The following CCDC27 variants were observed in gnomAD, a reference collection of about 807,000 sequenced individuals.
The protein encoded by CCDC27 is coiled-coil domain containing 27, also known as coiled-coil domain-containing protein 27.
A neutral mutation model predicts 80.3 loss-of-function variants in CCDC27; 80 were observed. The ratio of observed to expected loss-of-function variants is 1.00; its 90% CI spans 0.83 to 1.20. The LOEUF (loss-of-function observed/expected upper bound fraction) is 1.20, where lower values mean the gene tolerates loss of function less well. Among genes scored for constraint, CCDC27 ranks in the 50% most tolerant of loss-of-function variants. The pLI is 0.00. For synonymous variants in CCDC27, 342 were observed against 334.3 expected, an observed-to-expected ratio of 1.02 and a Z score of -0.25; for missense variants, 815 against 809.4, an observed-to-expected ratio of 1.01 and a Z score of -0.08.
At chr1:3,757,879 G>A (rs1459065807) in intron 4 of CCDC27, among the ~76,000 whole-genome samples, 2 of 147,770 alleles carry the variant, frequency 1.4e-5, no homozygotes, top group East Asian at 2.1e-4. Flanking sequence ...CTGAGATCGC[G>A]CCACTGCACT....
At chr1:3,754,853 G>T (rs888005919) in intron 2 of CCDC27, among the ~76,000 whole-genome samples, 3 of 137,402 alleles carry the variant, frequency 2.2e-5, no homozygotes, top group Admixed American at 7.2e-5. Context: ...GGGGTGGGGG[G>T]GTTGGGGAGG....
intron 2 of CCDC27, 47 bp downstream of exon 2, chr1:3,754,288 C>A: frequency 6.6e-7 from 1 of 1,524,256 alleles, no homozygotes; most frequent in South Asian, 1.3e-5. Flanking sequence ...CTGTCAGAGT[C>A]GAGGGGCCGG....
Position 3,761,798 on chromosome 1 carries a change from T to G in CCDC27, c.861+368T>G, listed in dbSNP as rs1452074248. On this transcript the variant is annotated intron_variant, in intron 5 of 11. Coordinates refer to ENST00000294600, the MANE Select transcript of CCDC27 (RefSeq NM_152492.3). This position sits in a 1 kb window ranked among gnomAD's most constrained non-coding sequence, Gnocchi z 5.0. ...GGGCTCAGGGTCCTTATCCATAAAA[T>G]GAGGGCTGAGCTCACCTGTGAAATC... Among the ~76,000 whole-genome samples the G allele has an allele frequency of 6.6e-6, 1 of 152,154 alleles. No homozygotes were observed. The highest frequency in any genetic ancestry group is 1.5e-5 in the Non-Finnish European group (1 of 68,014).
intron 4 of CCDC27, among the ~76,000 whole-genome samples, chr1:3,758,001 C>T (rs376208222): frequency 2.6e-5 from 4 of 151,904 alleles, no homozygotes; most frequent in Non-Finnish European, 5.9e-5. Flanking sequence ...GTGATCCACT[C>T]GCCTTGGCCT....
chr1:3,769,837 A>C lies in CCDC27; in HGVS notation c.1798A>C (p.Lys600Gln), dbSNP rs1643315882. The change falls in exon 11 of 12, where the codon AAG (lysine) becomes CAG (glutamine). Residue 600 changes from lysine (K) to glutamine (Q), a missense_variant. Lys to Gln is a moderately conservative substitution (Grantham distance 53). Coordinates refer to ENST00000294600, the MANE Select transcript of CCDC27 (RefSeq NM_152492.3). This position sits in a 1 kb window ranked among gnomAD's most constrained non-coding sequence, Gnocchi z 4.6. ...GGCCACCTTTAGCATCTCCGGGACC[A>C]AGTCCTTGGCCAACGAGATCTCTGA... ...IQATFSISGT[K>Q]SLANEISDND... is the part of the protein sequence containing the mutation. 2 of 1,614,046 alleles carry C rather than the reference A, an allele frequency of 1.2e-6. No individual in the cohort carries two copies. The highest frequency in any genetic ancestry group is 2.2e-5 in the South Asian group (2 of 91,074).
intron 1 of CCDC27, among the ~76,000 whole-genome samples, 183 bp from the exon 2 acceptor site, chr1:3,753,935 T>C (rs796140443): frequency 5.1e-4 from 77 of 151,966 alleles, no homozygotes; most frequent in African/African-American, 1.5e-3. Flanking sequence ...TGTGGGCAGG[T>C]CTCTGGGGAG....
rs1643250218 is a variant in CCDC27 at position 3,767,346 on chromosome 1, G to A, written c.1644G>A (p.Gln548=). The A allele has an allele frequency of 1.2e-6, 2 of 1,613,896 alleles. No individual in the cohort carries two copies. The highest frequency in any genetic ancestry group is 1.7e-5 in the Admixed American group (1 of 60,012). The stretch of plus-strand genomic sequence containing the variant: ...TGGAACTGGACCAGAACCACCTGCA[G>A]AGGTGGAAGCAGCTGCAGGAGGATT... ...EQVELDQNHL[Q]RWKQLQEDLQ... is the part of the protein sequence containing the mutation. The change falls in exon 10 of 12, where the codon CAG becomes CAA. Residue 548 remains glutamine (Q), a synonymous_variant. Coordinates refer to ENST00000294600, the MANE Select transcript of CCDC27 (RefSeq NM_152492.3).
chr1:3,771,305 G>C, intron 11 of CCDC27, 96 bp from the exon 12 acceptor site: 1 of 1,497,380 alleles, frequency 6.7e-7, no homozygotes, highest in South Asian at 1.2e-5. Context: ...AGGAGAGGGT[G>C]GCGTCCCGGG....
rs147429337 is a variant in CCDC27 at position 3,763,708 on chromosome 1, G to C, written c.1324G>C (p.Val442Leu). Residue 442 changes from valine to leucine, a missense_variant and splice_region_variant, in exon 8 of 12, where the codon GTG becomes CTG. Physicochemically the swap from Val to Leu is conservative, Grantham distance 32. Coordinates refer to ENST00000294600, the MANE Select transcript of CCDC27 (RefSeq NM_152492.3). The surrounding 1 kb of genome is among the most constrained non-coding windows in gnomAD (Gnocchi z 7.5). ...TRTRYSLATG[V>L]IASLQQQVDF... The stretch of plus-strand genomic sequence containing the variant: ...ACCGCCTCTGCCTCTGTGCCCAGGA[G>C]TGATTGCGTCTTTACAACAACAAGT... The C allele has an allele frequency of 1.2e-6, 2 of 1,614,116 alleles. No individual in the cohort carries two copies. Among genetic ancestry groups the C allele is most frequent in the African/African-American group, 2.7e-5 (2 of 75,040 alleles).
intron 8 of CCDC27, among the ~76,000 whole-genome samples, chr1:3,764,776 C>T (rs780935767): frequency 6.6e-6 from 1 of 152,176 alleles, no homozygotes; most frequent in Non-Finnish European, 1.5e-5. Flanking sequence ...TGGCTCACAC[C>T]TGTAATCCCA....
Position 3,769,767 on chromosome 1 carries a change from G to T in CCDC27, c.1744-16G>T. The T allele has an allele frequency of 6.3e-7, 1 of 1,596,550 alleles. No individual in the cohort carries two copies. Among genetic ancestry groups the T allele is most frequent in the Non-Finnish European group, 8.6e-7 (1 of 1,163,972 alleles). On this transcript the variant is annotated splice_polypyrimidine_tract_variant and intron_variant, in intron 10 of 11. Coordinates refer to ENST00000294600, the MANE Select transcript of CCDC27 (RefSeq NM_152492.3). This position sits in a 1 kb window ranked among gnomAD's most constrained non-coding sequence, Gnocchi z 4.6. ...TTGGGTAAAGGCGAATGATAGTGTT[G>T]TCCCTTTGCTCACAGCTCGAGAGGT...
In CCDC27 at chr1:3,770,475, CCTCT is replaced by C. The variant is rs773653402; in HGVS notation, c.1848+589_1848+592del. Among the ~76,000 whole-genome samples the C allele has an allele frequency of 7.2e-5, 11 of 152,322 alleles. No individual in the cohort carries two copies. In the East Asian group the frequency reaches 1.2e-3, roughly 16 times the overall value. The stretch of plus-strand genomic sequence containing the variant: ...CACTTTTCTGAGCCATAGATGCCTC[CCTCT>C]GTGATGGACAGCGCATGCTCACCTG... On this transcript the variant is annotated intron_variant, in intron 11 of 11. Transcript: ENST00000294600.
In CCDC27 at chr1:3,769,953, G is replaced by A. The variant is rs1042376726; in HGVS notation, c.1848+66G>A. 6 of 1,144,284 alleles carry A rather than the reference G, an allele frequency of 5.2e-6. No homozygotes were observed. The highest frequency in any genetic ancestry group is 3.0e-5 in the African/African-American group (2 of 65,690). 70.9% of individuals were successfully genotyped at this position (1,144,284 alleles called of 1,614,324 possible). A position where few individuals can be genotyped will look rare whatever the true frequency, so the allele number is the denominator to read the frequency against. ...CCCCCAGGCCAGAGCTGTGGTAGGGGGTTGTGGGGGGCCTAGATTCCAGGG... is the reference window on the plus strand; with the variant it reads ...CCCCCAGGCCAGAGCTGTGGTAGGGAGTTGTGGGGGGCCTAGATTCCAGGG... On this transcript the variant is annotated intron_variant, in intron 11 of 11. Coordinates refer to ENST00000294600, the MANE Select transcript of CCDC27 (RefSeq NM_152492.3). The surrounding 1 kb of genome is among the most constrained non-coding windows in gnomAD (Gnocchi z 4.6).
At position 3,768,088 on chromosome 1, in the gene CCDC27, CTTTT is replaced by C. The variant is rs775378587; in HGVS notation, c.1743+662_1743+665del. The stretch of plus-strand genomic sequence containing the variant: ...AAAAGGAAATCAATAAAGAGCTGAC[CTTTT>C]TTTTTTTTTTTTTTTTTTCTGAGAC... On this transcript the variant is annotated intron_variant, in intron 10 of 11. Transcript: ENST00000294600. The surrounding 1 kb of genome is among the most constrained non-coding windows in gnomAD (Gnocchi z 5.6). 2.5e-5 allele frequency among the ~76,000 whole-genome samples: 3 copies of C among 120,328 alleles called. No homozygotes were observed. The highest frequency in any genetic ancestry group is 2.5e-4 in the East Asian group (1 of 4,016). The allele number at this position is 120,328 out of a possible 152,430, so 78.9% of individuals were successfully genotyped here.
intron 11 of CCDC27, among the ~76,000 whole-genome samples, chr1:3,770,171 T>C (rs1262996698): frequency 6.6e-6 from 1 of 152,174 alleles, no homozygotes; most frequent in African/African-American, 2.4e-5. Flanking sequence ...TCCTGAGCGC[T>C]GTGGAGAGGG....
In CCDC27 at chr1:3,761,204, G is replaced by A. The variant is rs1278753390; in HGVS notation, c.712-77G>A. On this transcript the variant is annotated intron_variant, in intron 4 of 11. Transcript: ENST00000294600. This position sits in a 1 kb window ranked among gnomAD's most constrained non-coding sequence, Gnocchi z 5.0. ...CCACGACAGCAGATCTGCTCCTCCT[G>A]GGTGGGCTGGAGGCAGGTCAGGGGA... 1 of 1,547,690 alleles carries A rather than the reference G, an allele frequency of 6.5e-7. No homozygotes were observed. Among genetic ancestry groups the A allele is most frequent in the East Asian group, 2.3e-5 (1 of 44,318 alleles).
Position 3,762,623 on chromosome 1 carries a change from C to G in CCDC27, c.865C>G (p.Gln289Glu). ...ETSMSPGRRE[Q>E]LSDASLKLGR... ...GGGTCCCACGGGCGTCTTGCAGGAGCAGCTCTCAGACGCTTCGCTGAAGCT... is the reference window on the plus strand; with the variant it reads ...GGGTCCCACGGGCGTCTTGCAGGAGGAGCTCTCAGACGCTTCGCTGAAGCT... Residue 289 changes from glutamine to glutamate, a missense_variant, in exon 6 of 12, where the codon CAG becomes GAG. By Grantham distance (29) the Gln-to-Glu change is conservative. Coordinates refer to ENST00000294600, the MANE Select transcript of CCDC27 (RefSeq NM_152492.3). 9.0e-6 allele frequency: 14 copies of G among 1,550,616 alleles called. No homozygotes were observed. The highest frequency in any genetic ancestry group is 1.2e-5 in the Non-Finnish European group (14 of 1,146,608).
chr1:3,754,374 T>C lies in CCDC27; in HGVS notation c.442+133T>C, dbSNP rs1024998517. On this transcript the variant is annotated intron_variant, in intron 2 of 11. Coordinates refer to ENST00000294600, the MANE Select transcript of CCDC27 (RefSeq NM_152492.3). ...TCCACAGTGGCCCCAGCTGCTGCTT[T>C]TGAAATCCGCTCTGTGCTCAGGGAG... 110 of 1,198,782 alleles carry C rather than the reference T, an allele frequency of 9.2e-5. 1 individual carries two copies. The highest frequency in any genetic ancestry group is 2.5e-5 in the Non-Finnish European group (22 of 888,446). 74.3% of individuals were successfully genotyped at this position (1,198,782 alleles called of 1,614,324 possible).
intron 11 of CCDC27, 63 bp from the exon 12 acceptor site, chr1:3,771,338 C>T (rs1007875364): frequency 3.7e-6 from 6 of 1,607,506 alleles, no homozygotes; most frequent in Middle Eastern, 3.4e-4. Flanking sequence ...ACTGTGCAGA[C>T]CGGCCTCAAG....
Sources: gnomAD v4.1 joint callset for allele counts (sites outside exome capture counted in the v4.1 genomes callset) on GRCh38, gnomAD v4.1.1 for gene constraint, Gnocchi (gnomAD v3.1) non-coding constraint, MANE v1.5 for transcripts, NCBI Gene and HGNC (gene_info 2026-07-23, HGNC 2026-07-21) for gene names.